GRM8: variants seen among roughly 807,000 people sequenced by gnomAD.
The protein encoded by GRM8 is metabotropic glutamate receptor 8.
Under a neutral mutation model 87.2 loss-of-function variants are expected in GRM8, and 47 were observed. The ratio of observed to expected loss-of-function variants is 0.54; its 90% CI spans 0.43 to 0.69. The LOEUF is 0.69. GRM8 is among the 30% of genes least tolerant of loss of function. The pLI is 0.00. For synonymous variants in GRM8, 396 were observed against 404.5 expected (o/e 0.98, Z 0.25); for missense variants, 1,019 against 1,139.2 (o/e 0.89, Z 1.52).
At chr7:127,240,510 A>G (rs1798231027) in intron 2 of GRM8, among the ~76,000 whole-genome samples, 1 of 151,738 alleles carries the variant, frequency 6.6e-6, no homozygotes, top group Non-Finnish European at 1.5e-5. Context: ...ATCTTTGCCC[A>G]CTTTTGGCTG....
intron 3 of GRM8, among the ~76,000 whole-genome samples, chr7:127,095,310 G>A (rs1586986232): frequency 6.6e-6 from 1 of 152,180 alleles, no homozygotes; most frequent in African/African-American, 2.4e-5. Flanking sequence ...TTGATGCTGG[G>A]TGGAAGCTGT....
At chr7:127,118,035 C>A (rs1471400031) in intron 2 of GRM8, among the ~76,000 whole-genome samples, 1 of 152,202 alleles carries the variant, frequency 6.6e-6, no homozygotes, top group East Asian at 1.9e-4. Flanking sequence ...TAGTGATTAT[C>A]CGCATTCACA....
At chr7:126,980,500 C>T (rs1811412955) in intron 3 of GRM8, among the ~76,000 whole-genome samples, 1 of 152,198 alleles carries the variant, frequency 6.6e-6, no homozygotes, top group East Asian at 1.9e-4. Flanking sequence ...AGAGTTTCTT[C>T]ACCTTTGTTT....
At chr7:126,507,596 C>A (rs1033138401) in intron 9 of GRM8, among the ~76,000 whole-genome samples, 4 of 151,990 alleles carry the variant, frequency 2.6e-5, no homozygotes, top group African/African-American at 9.7e-5. Flanking sequence ...ATAATTGATT[C>A]TTTACTGGTA....
chr7:127,158,632 A>T (rs1792887148), intron 2 of GRM8, among the ~76,000 whole-genome samples: 1 of 152,204 alleles, frequency 6.6e-6, no homozygotes, highest in African/African-American at 2.4e-5. Flanking sequence ...GTGGAAAAGG[A>T]GCAAGGGAGC....
chr7:126,563,383 T>C (rs1585063495), intron 8 of GRM8, among the ~76,000 whole-genome samples: 1 of 152,134 alleles, frequency 6.6e-6, no homozygotes, highest in South Asian at 2.1e-4. Flanking sequence ...TAACAGAATG[T>C]TGAGTAGGAT....
chr7:127,208,571 A>G (rs75208629), intron 2 of GRM8, among the ~76,000 whole-genome samples: 1 of 152,236 alleles, frequency 6.6e-6, no homozygotes, highest in East Asian at 1.9e-4. Flanking sequence ...ACCAAAGTTT[A>G]TACCAAACCC....
chr7:126,768,082 T>A (rs1006092314), intron 7 of GRM8, among the ~76,000 whole-genome samples: 1 of 152,028 alleles, frequency 6.6e-6, no homozygotes, highest in African/African-American at 2.4e-5. Context: ...CCTACCCTTA[T>A]CTCAGACACC....
At chr7:126,700,603 A>G (rs1809819034) in intron 7 of GRM8, among the ~76,000 whole-genome samples, 1 of 152,160 alleles carries the variant, frequency 6.6e-6, no homozygotes, top group African/African-American at 2.4e-5. Context: ...AAAGAAATAA[A>G]TTACATAATT....
intron 2 of GRM8, among the ~76,000 whole-genome samples, chr7:127,213,907 T>G (rs979948584): frequency 6.6e-6 from 1 of 152,152 alleles, no homozygotes; most frequent in African/African-American, 2.4e-5. Context: ...CTCCTAGGAA[T>G]AAACCCAACA....
intron 7 of GRM8, among the ~76,000 whole-genome samples, chr7:126,740,706 GT>G (rs1332755258): frequency 5.9e-5 from 9 of 152,078 alleles, no homozygotes; most frequent in African/African-American, 1.9e-4. Context: ...GATTTGAAAG[GT>G]CATGAAAATG....
intron 2 of GRM8, chr7:127,111,300 T>C (rs558254591): frequency 2.0e-5 from 3 of 152,364 alleles, no homozygotes; most frequent in Non-Finnish European, 4.4e-5. Context: ...GAGCTCAAGA[T>C]TAAAATTATA....
At chr7:126,997,122 C>A (rs1813249188) in intron 3 of GRM8, among the ~76,000 whole-genome samples, 1 of 150,200 alleles carries the variant, frequency 6.7e-6, no homozygotes, top group South Asian at 2.1e-4. Context: ...AATTAAACTA[C>A]CCATCAGTAA....
intron 2 of GRM8, among the ~76,000 whole-genome samples, chr7:127,205,315 C>T (rs754728684): frequency 2.0e-5 from 3 of 152,218 alleles, no homozygotes; most frequent in South Asian, 2.1e-4. Flanking sequence ...TCATTCAAGG[C>T]GGTGAGATGG....
At chr7:126,994,748 TA>T (rs1411213038) in intron 3 of GRM8, among the ~76,000 whole-genome samples, 3 of 152,260 alleles carry the variant, frequency 2.0e-5, no homozygotes, top group Admixed American at 2.0e-4. Context: ...GGTAGATTTC[TA>T]AGTTTTTTTT....
chr7:126,723,781 A>C (rs540734124), intron 7 of GRM8, among the ~76,000 whole-genome samples: 1 of 152,182 alleles, frequency 6.6e-6, no homozygotes, highest in East Asian at 1.9e-4. Flanking sequence ...AGCAAACTCT[A>C]TGTCTCCTAA....
chr7:126,810,772 G>T (rs1373233005), intron 6 of GRM8, among the ~76,000 whole-genome samples: 1 of 152,130 alleles, frequency 6.6e-6, no homozygotes, highest in Non-Finnish European at 1.5e-5. Context: ...ATTTGTTAGA[G>T]ATTCCCATTG....
intron 2 of GRM8, among the ~76,000 whole-genome samples, chr7:127,154,733 C>CT (rs202079119): frequency 5.1e-4 from 75 of 147,886 alleles, no homozygotes; most frequent in East Asian, 2.0e-3. Context: ...TGGACTATAA[C>CT]TTTTTTTTTT....
intron 7 of GRM8, among the ~76,000 whole-genome samples, chr7:126,702,680 C>T (rs1810065229): frequency 6.6e-6 from 1 of 152,196 alleles, no homozygotes; most frequent in South Asian, 2.1e-4. Flanking sequence ...AACTCCCCAG[C>T]TTCCTGATGA....
Sources: gnomAD v4.1 joint callset for allele counts (sites outside exome capture counted in the v4.1 genomes callset) on GRCh38, gnomAD v4.1.1 for gene constraint, MANE v1.5 for transcripts, NCBI Gene and HGNC (gene_info 2026-07-23, HGNC 2026-07-21) for gene names.